EMILIN2: variants seen among roughly 807,000 people sequenced by gnomAD.
EMILIN2 encodes the protein elastin microfibril interfacer 2.
A neutral mutation model predicts 87.1 loss-of-function variants in EMILIN2; 71 were observed. The observed-to-expected ratio is 0.82, with a 90% CI of 0.67 to 0.99. The LOEUF (loss-of-function observed/expected upper bound fraction) is 0.99. Ranked by LOEUF, EMILIN2 falls within the 50% of genes least tolerant of loss-of-function variation. The pLI, the probability that EMILIN2 is intolerant of heterozygous loss-of-function variation, is 0.00. For synonymous variants in EMILIN2, 581 were observed against 563.4 expected, an observed-to-expected ratio of 1.03 and a Z score of -0.44; for missense variants, 1,407 against 1,371.8, an observed-to-expected ratio of 1.03 and a Z score of -0.40.
At chr18:2,908,640 TCA>T (rs974185639) in intron 5 of EMILIN2, among the ~76,000 whole-genome samples, 4 of 152,322 alleles carry the variant, frequency 2.6e-5, no homozygotes, top group African/African-American at 7.2e-5. Flanking sequence ...TGTGACTCTC[TCA>T]GTCACAGAGA....
rs1472698701 is a variant in EMILIN2 at position 2,848,370 on chromosome 18, A to G, written c.257+439A>G. The stretch of plus-strand genomic sequence containing the variant: ...GAGAGGTTTGGCTAAGTAGTGTTCT[A>G]AAACGAGTGAGTTCTGTCCGTATGT... On this transcript the variant is annotated intron_variant, in intron 2 of 7. Coordinates refer to ENST00000254528, the MANE Select transcript of EMILIN2 (RefSeq NM_032048.3). This position sits in a 1 kb window ranked among gnomAD's most constrained non-coding sequence, Gnocchi z 4.1. Among the ~76,000 whole-genome samples the G allele has an allele frequency of 6.6e-6, 1 of 152,180 alleles. No individual in the cohort carries two copies. The highest frequency in any genetic ancestry group is 1.5e-5 in the Non-Finnish European group (1 of 68,024).
intron 4 of EMILIN2, 161 bp from the exon 5 acceptor site, chr18:2,906,622 G>A (rs944476715): frequency 4.4e-5 from 23 of 527,420 alleles, no homozygotes; most frequent in African/African-American, 2.2e-4. Context: ...CGGAAGATGC[G>A]GGCGGACGCC....
At position 2,913,269 on chromosome 18, in the gene EMILIN2, C is replaced by T. The variant is rs1170659939; in HGVS notation, c.3027C>T (p.His1009=). 2.5e-6 allele frequency: 4 copies of T among 1,613,630 alleles called. No individual in the cohort carries two copies. The highest frequency in any genetic ancestry group is 1.1e-5 in the South Asian group (1 of 91,084). ...LHTCGGPGAF[H]LIVHLKAGDA... ...CCTGCGGGGGCCCGGGGGCATTCCA[C>T]CTCATCGTGCACCTGAAGGCGGGAG... Residue 1009 remains histidine, a synonymous_variant, in exon 8 of 8, where the codon CAC becomes CAT. Coordinates refer to ENST00000254528, the MANE Select transcript of EMILIN2 (RefSeq NM_032048.3).
At chr18:2,855,752 C>T (rs1303594454) in intron 2 of EMILIN2, among the ~76,000 whole-genome samples, 1 of 152,176 alleles carries the variant, frequency 6.6e-6, no homozygotes, top group Non-Finnish European at 1.5e-5. Context: ...GTCACTTAGC[C>T]CGTCTGAGGC....
intron 3 of EMILIN2, among the ~76,000 whole-genome samples, chr18:2,888,133 A>G (rs1443334403): frequency 6.6e-6 from 1 of 152,202 alleles, no homozygotes; most frequent in Non-Finnish European, 1.5e-5. Context: ...TAATATATGA[A>G]TATGCATCTT....
chr18:2,855,139 GTT>G (rs2076620754), intron 2 of EMILIN2, among the ~76,000 whole-genome samples: 1 of 152,216 alleles, frequency 6.6e-6, no homozygotes. Flanking sequence ...GCTATTTTGA[GTT>G]TCTTTCTTTG....
At chr18:2,874,281 C>G (rs1028020243) in intron 2 of EMILIN2, among the ~76,000 whole-genome samples, 3 of 152,048 alleles carry the variant, frequency 2.0e-5, no homozygotes, top group Non-Finnish European at 2.9e-5. Flanking sequence ...TCTCAAACTC[C>G]TGGGCTTAAG....
At chr18:2,882,779 A>T (rs576809889) in intron 2 of EMILIN2, among the ~76,000 whole-genome samples, 135 of 152,044 alleles carry the variant, frequency 8.9e-4, no homozygotes, top group African/African-American at 2.9e-3. Flanking sequence ...GCTACTTGGG[A>T]GGCTGAGGCA....
intron 7 of EMILIN2, among the ~76,000 whole-genome samples, chr18:2,912,673 C>A (rs915054445): frequency 1.3e-5 from 2 of 152,186 alleles, no homozygotes; most frequent in African/African-American, 4.8e-5. Flanking sequence ...CCACGAGGAG[C>A]CTGGCATGGC....
At position 2,847,373 on chromosome 18, in the gene EMILIN2, C is replaced by T. The variant is rs2076580271; in HGVS notation, c.134+51C>T. ...CCAAACCGCCTACCCCTCCCCGGCC[C>T]CCAGTTGAGCCCCAGAGCTGCCCTG... On this transcript the variant is annotated intron_variant, in intron 1 of 7. Coordinates refer to ENST00000254528, the MANE Select transcript of EMILIN2 (RefSeq NM_032048.3). This position sits in a 1 kb window ranked among gnomAD's most constrained non-coding sequence, Gnocchi z 4.5. The T allele has an allele frequency of 7.9e-7, 1 of 1,266,678 alleles. No homozygotes were observed. The highest frequency in any genetic ancestry group is 1.0e-6 in the Non-Finnish European group (1 of 1,003,924). 78.5% of individuals were successfully genotyped at this position (1,266,678 alleles called of 1,614,324 possible).
rs766865046 is a variant in EMILIN2, at chr18:2,913,058, T to C, written c.2825-9T>C. On this transcript the variant is annotated splice_polypyrimidine_tract_variant and intron_variant, in intron 7 of 7. Transcript: ENST00000254528. ...CAGGTGAGCACAGGGTTTGCCTTTCTCCCCGCAGGGGTCTTCACGGCTCCT... is the reference window on the plus strand; with the variant it reads ...CAGGTGAGCACAGGGTTTGCCTTTCCCCCCGCAGGGGTCTTCACGGCTCCT... 2.5e-6 allele frequency: 4 copies of C among 1,606,472 alleles called. No individual in the cohort carries two copies. In the South Asian group the frequency reaches 4.4e-5, roughly 18 times the overall value.
intron 4 of EMILIN2, among the ~76,000 whole-genome samples, chr18:2,903,319 G>C (rs562863173): frequency 6.6e-6 from 1 of 152,138 alleles, no homozygotes; most frequent in African/African-American, 2.4e-5. Flanking sequence ...GAGGGGAAAG[G>C]GCAGAAACAG....
At chr18:2,865,671 G>A (rs1327216726) in intron 2 of EMILIN2, among the ~76,000 whole-genome samples, 1 of 152,228 alleles carries the variant, frequency 6.6e-6, no homozygotes, top group Admixed American at 6.5e-5. Context: ...ACCCACTTGA[G>A]GAGGCAGTCT....
intron 5 of EMILIN2, among the ~76,000 whole-genome samples, chr18:2,908,528 C>T (rs1460327951): frequency 1.3e-5 from 2 of 152,242 alleles, no homozygotes; most frequent in Non-Finnish European, 2.9e-5. Flanking sequence ...CTTCTGCACC[C>T]ACCCATCCAT....
intron 2 of EMILIN2, among the ~76,000 whole-genome samples, chr18:2,850,361 C>G (rs541683035): frequency 1.3e-5 from 2 of 151,796 alleles, no homozygotes; most frequent in African/African-American, 2.4e-5. Context: ...AATCCAGAAG[C>G]CTGAGTCACC....
Position 2,909,794 on chromosome 18 carries a change from C to T in EMILIN2, c.2799C>T (p.Asp933=), listed in dbSNP as rs200930001. Residue 933 remains aspartate (D), a synonymous_variant, in exon 7 of 8, where the codon GAC becomes GAT. Transcript: ENST00000254528. ...TCTTTAACAAAGTGCTGGTGAACGACGGGGATGTTTACAACCCCAGCACCG... is the reference window on the plus strand; with the variant it reads ...TCTTTAACAAAGTGCTGGTGAACGATGGGGATGTTTACAACCCCAGCACCG... ...VVLFNKVLVN[D]GDVYNPSTGV... is the part of the protein sequence containing the mutation. The T allele has an allele frequency of 1.1e-5, 18 of 1,613,520 alleles. No homozygotes were observed. The East Asian group carries it at 1.6e-4, about 14-fold the overall frequency.
intron 2 of EMILIN2, among the ~76,000 whole-genome samples, chr18:2,852,231 G>T (rs571795295): frequency 6.6e-6 from 1 of 152,326 alleles, no homozygotes; most frequent in Admixed American, 6.5e-5. Context: ...TATGACGCAT[G>T]AACTATGTCA....
intron 4 of EMILIN2, among the ~76,000 whole-genome samples, chr18:2,905,381 GATAT>G (rs199920595): frequency 6.7e-6 from 1 of 149,782 alleles, no homozygotes; most frequent in Non-Finnish European, 1.5e-5. Context: ...GTACAGAGTA[GATAT>G]ATATATATAT....
At chr18:2,906,512 G>T in intron 4 of EMILIN2, 1 of 329,666 alleles carries the variant, frequency 3.0e-6, no homozygotes, top group East Asian at 4.7e-5. Context: ...CCAAGAGTGA[G>T]GCCGGTTTGG....
Sources: gnomAD v4.1 joint callset for allele counts (sites outside exome capture counted in the v4.1 genomes callset) on GRCh38, gnomAD v4.1.1 for gene constraint, Gnocchi (gnomAD v3.1) non-coding constraint, MANE v1.5 for transcripts, NCBI Gene and HGNC (gene_info 2026-07-23, HGNC 2026-07-21) for gene names.